WASF3: variants seen among roughly 807,000 people sequenced by gnomAD.
WASF3 encodes WASP family member 3.
A neutral mutation model predicts 46.6 loss-of-function variants in WASF3; 11 were observed. That is an observed-to-expected ratio of 0.24 (90% CI 0.15 to 0.39). The LOEUF is 0.39. Ranked by LOEUF, WASF3 falls within the 10% of genes least tolerant of loss-of-function variation. The pLI is 1.00. For synonymous variants in WASF3, 242 were observed against 259.7 expected, an observed-to-expected ratio of 0.93 and a Z score of 0.65; for missense variants, 576 against 669.8, an observed-to-expected ratio of 0.86 and a Z score of 1.55.
intron 1 of WASF3, among the ~76,000 whole-genome samples, chr13:26,604,898 A>C (rs879405559): frequency 6.6e-6 from 1 of 152,166 alleles, no homozygotes; most frequent in Admixed American, 6.5e-5. Flanking sequence ...ACAGTGTCCC[A>C]CTTTTTTAGA....
At chr13:26,555,625 C>T (rs530095173), upstream of WASF3, among the ~76,000 whole-genome samples, 2 of 152,082 alleles carry the variant, frequency 1.3e-5, no homozygotes, top group Non-Finnish European at 2.9e-5. Context: ...CAATGTGATG[C>T]AATGCTTACA....
intron 1 of WASF3, among the ~76,000 whole-genome samples, chr13:26,597,549 G>GTATATATGT (rs1880507850): frequency 6.6e-6 from 1 of 151,970 alleles, no homozygotes; most frequent in African/African-American, 2.4e-5. Context: ...TGTTACATAT[G>GTATATATGT]TATATATGTG....
At chr13:26,584,228 T>G (rs1251275964) in intron 1 of WASF3, among the ~76,000 whole-genome samples, 4 of 152,228 alleles carry the variant, frequency 2.6e-5, no homozygotes, top group Non-Finnish European at 5.9e-5. Context: ...CTTTTCTTGG[T>G]GCTTTTGCTG....
intron 1 of WASF3, among the ~76,000 whole-genome samples, chr13:26,598,649 C>G (rs7995895): frequency 6.6e-6 from 1 of 152,004 alleles, no homozygotes; most frequent in Non-Finnish European, 1.5e-5. Flanking sequence ...AGTGGGATCA[C>G]GAGTTTGTTT....
At chr13:26,669,533 A>T (rs1052514179) in intron 5 of WASF3, among the ~76,000 whole-genome samples, 3 of 151,370 alleles carry the variant, frequency 2.0e-5, no homozygotes, top group African/African-American at 7.3e-5. Flanking sequence ...TTTGAGACGA[A>T]GTTTTGCTTC....
chr13:26,681,216 G>A lies in WASF3; in HGVS notation c.879G>A (p.Ala293=), dbSNP rs1883219039. The A allele has an allele frequency of 5.0e-6, 8 of 1,613,796 alleles. No individual in the cohort carries two copies. The highest frequency in any genetic ancestry group is 3.3e-4 in the Middle Eastern group (2 of 6,084). Residue 293 remains alanine, a synonymous_variant, in exon 8 of 10, where the codon GCG becomes GCA. Transcript: ENST00000335327. ...EHEYRPPSAS[A]RHMALNRPQQ... is the part of the protein sequence containing the mutation. ...AGTACCGGCCCCCATCTGCCTCGGCGAGGCACATGGCCCTCAACAGACCTC... is the reference window on the plus strand; with the variant it reads ...AGTACCGGCCCCCATCTGCCTCGGCAAGGCACATGGCCCTCAACAGACCTC...
At position 26,592,639 on chromosome 13, in the gene WASF3, C is replaced by T. The variant is rs150207477; in HGVS notation, c.-108-20322C>T. On this transcript the variant is annotated intron_variant, in intron 1 of 9. Coordinates refer to ENST00000335327, the MANE Select transcript of WASF3 (RefSeq NM_006646.6). The stretch of plus-strand genomic sequence containing the variant: ...CTATGACCTCATTTAACCTTAATTA[C>T]CACTATAAAGGCCCTACCTCCAAAT... Among the ~76,000 whole-genome samples, 356 of 152,266 alleles carry T rather than the reference C, an allele frequency of 2.3e-3. 2 individuals carry two copies. The highest frequency in any genetic ancestry group is 2.9e-3 in the Admixed American group (44 of 15,290).
At chr13:26,554,036 TTTCTTTCCTTCCTTCC>T (rs1291011281), upstream of WASF3, among the ~76,000 whole-genome samples, 126 of 71,790 alleles carry the variant, frequency 1.8e-3, 2 homozygotes, top group South Asian at 4.3e-3. Flanking sequence ...CTTCTTTCTC[TTTCTTTCCTTCCTTCC>T]TTCCTTCCTT....
At chr13:26,642,204 T>A (rs762501731) in intron 2 of WASF3, 57 bp from the exon 3 acceptor site, 33 of 1,449,740 alleles carry the variant, frequency 2.3e-5, no homozygotes, top group Non-Finnish European at 2.5e-5. Flanking sequence ...GAATTAAAAT[T>A]CCAGATTTGT....
chr13:26,577,663 C>G (rs1200027920), intron 1 of WASF3: 6 of 1,161,662 alleles, frequency 5.2e-6, no homozygotes, highest in Non-Finnish European at 6.3e-6. Context: ...AACCACCAGT[C>G]CAAGAATCTG....
intron 2 of WASF3, among the ~76,000 whole-genome samples, chr13:26,635,970 G>A (rs1881805359): frequency 6.6e-6 from 1 of 152,242 alleles, no homozygotes; most frequent in South Asian, 2.1e-4. Context: ...GGGGGTCAGG[G>A]ACCCACTTGA....
intron 1 of WASF3, among the ~76,000 whole-genome samples, chr13:26,566,400 A>G (rs1879465391): frequency 6.6e-6 from 1 of 152,246 alleles, no homozygotes; most frequent in African/African-American, 2.4e-5. Context: ...ATGAGAATCA[A>G]GAATATATAA....
intron 1 of WASF3, among the ~76,000 whole-genome samples, chr13:26,570,080 G>GT: frequency 6.6e-6 from 1 of 152,292 alleles, no homozygotes; most frequent in Admixed American, 6.5e-5. Context: ...GAGGTCAGGA[G>GT]TTTGAGACCA....
chr13:26,671,307 G>A (rs1474483005), intron 5 of WASF3, among the ~76,000 whole-genome samples: 1 of 152,144 alleles, frequency 6.6e-6, no homozygotes, highest in Non-Finnish European at 1.5e-5. Context: ...TTCTGTGTAG[G>A]TTACTTCCAG....
At chr13:26,561,687 A>G (rs1044832488) in intron 1 of WASF3, among the ~76,000 whole-genome samples, 7 of 152,242 alleles carry the variant, frequency 4.6e-5, no homozygotes, top group African/African-American at 1.7e-4. Context: ...AGGAAAACAC[A>G]TAGTTCCGTC....
chr13:26,592,248 ATAAT>A (rs1243932547), intron 1 of WASF3, among the ~76,000 whole-genome samples: 1 of 152,184 alleles, frequency 6.6e-6, no homozygotes. Context: ...AGTTTGAGTG[ATAAT>A]TAATTTTCAG....
At chr13:26,676,520 C>T (rs753696736) in intron 6 of WASF3, 29 bp from the exon 7 acceptor site, 9 of 1,608,096 alleles carry the variant, frequency 5.6e-6, no homozygotes, top group African/African-American at 5.4e-5. Flanking sequence ...TCTGTCTTGG[C>T]ATGCTCTCTT....
chr13:26,566,851 A>G (rs1879481662), intron 1 of WASF3, among the ~76,000 whole-genome samples: 2 of 152,230 alleles, frequency 1.3e-5, no homozygotes, highest in African/African-American at 4.8e-5. Context: ...ACTAGTCTCT[A>G]CCCCAGTCTG....
intron 1 of WASF3, among the ~76,000 whole-genome samples, chr13:26,579,048 T>G (rs1487259554): frequency 7.7e-6 from 1 of 129,452 alleles, no homozygotes; most frequent in African/African-American, 2.9e-5. Context: ...TTGCACAGGC[T>G]GGAGAGCAGT....
Sources: allele counts gnomAD v4.1 joint callset (sites outside exome capture counted in the v4.1 genomes callset), GRCh38; gene constraint gnomAD v4.1.1; transcripts MANE v1.5; gene names NCBI Gene and HGNC (gene_info 2026-07-23, HGNC 2026-07-21).